Variants in FSTL5 observed in about 807,000 individuals in gnomAD.
The protein encoded by FSTL5 is follistatin like 5.
In FSTL5, 62 loss-of-function variants were observed where a neutral mutation model predicts 89.1. That is an observed-to-expected ratio of 0.70 (90% CI 0.57 to 0.86). FSTL5 has a LOEUF of 0.86. Among genes scored for constraint, FSTL5 ranks in the 40% least tolerant of loss-of-function variants. The pLI, the probability that FSTL5 is intolerant of heterozygous loss-of-function variation, is 0.00. For synonymous variants in FSTL5, 383 were observed against 346.2 expected, an observed-to-expected ratio of 1.11 and a Z score of -1.18; for missense variants, 1,057 against 1,001.6, an observed-to-expected ratio of 1.06 and a Z score of -0.75.
chr4:161,496,556 A>G (rs1730077379), intron 12 of FSTL5, among the ~76,000 whole-genome samples: 1 of 152,164 alleles, frequency 6.6e-6, no homozygotes, highest in African/African-American at 2.4e-5. Flanking sequence ...TTGAGTTTCC[A>G]GCCTGCTCTA....
At chr4:161,940,630 A>G (rs897635238) in intron 3 of FSTL5, among the ~76,000 whole-genome samples, 3 of 151,914 alleles carry the variant, frequency 2.0e-5, no homozygotes, top group Admixed American at 6.6e-5. Flanking sequence ...ATGCTGATAT[A>G]AAAATCATGT....
intron 4 of FSTL5, among the ~76,000 whole-genome samples, chr4:161,873,749 G>A (rs1199117050): frequency 2.0e-5 from 3 of 149,998 alleles, no homozygotes; most frequent in Admixed American, 6.7e-5. Context: ...ACTTTCTCAC[G>A]CAAAAATATA....
intron 3 of FSTL5, among the ~76,000 whole-genome samples, chr4:162,010,549 A>G (rs147352675): frequency 2.6e-3 from 398 of 152,326 alleles, no homozygotes; most frequent in Non-Finnish European, 4.5e-3. Flanking sequence ...GAACATTTTC[A>G]TAATCTCAAA....
At chr4:162,032,959 A>G (rs1390910286) in intron 3 of FSTL5, among the ~76,000 whole-genome samples, 1 of 152,154 alleles carries the variant, frequency 6.6e-6, no homozygotes, top group African/African-American at 2.4e-5. Context: ...AAGAAGAGCC[A>G]ACAAGTGAAT....
intron 15 of FSTL5, among the ~76,000 whole-genome samples, chr4:161,418,175 A>G (rs918231464): frequency 1.3e-5 from 2 of 152,012 alleles, no homozygotes; most frequent in African/African-American, 2.4e-5. Context: ...GTGTGGGTGA[A>G]TGTGTGTGAG....
At position 161,389,237 on chromosome 4, in the gene FSTL5, C is replaced by T. The variant is rs28549765; in HGVS notation, c.1842-2788G>A. On this transcript the variant is annotated intron_variant, in intron 15 of 15. Transcript: ENST00000306100. ...AAATCCTGCACAGTATTAGGCCTAA[C>T]ATAGTTTGTCTAGTATTTGTCAGAA... 5.3e-3 allele frequency among the ~76,000 whole-genome samples: 800 copies of T among 152,176 alleles called. 5 individuals are homozygous for T. The highest frequency in any genetic ancestry group is 0.018 in the African/African-American group (728 of 41,538).
intron 8 of FSTL5, among the ~76,000 whole-genome samples, chr4:161,564,193 T>C (rs996326418): frequency 8.6e-5 from 13 of 151,398 alleles, no homozygotes; most frequent in South Asian, 6.2e-4. Flanking sequence ...ATCAGAACCA[T>C]CAAATTATAA....
chr4:161,428,275 T>C (rs1035997377), intron 15 of FSTL5, among the ~76,000 whole-genome samples: 1 of 152,124 alleles, frequency 6.6e-6, no homozygotes, highest in African/African-American at 2.4e-5. Flanking sequence ...CCTAAATAAA[T>C]TGAAAGGCAG....
At chr4:161,677,109 T>G (rs2126704540) in intron 6 of FSTL5, among the ~76,000 whole-genome samples, 1 of 152,126 alleles carries the variant, frequency 6.6e-6, no homozygotes, top group Admixed American at 6.6e-5. Flanking sequence ...TGACCCCAAT[T>G]TAGGGAATTT....
chr4:161,406,971 T>C (rs1048251733), intron 15 of FSTL5, among the ~76,000 whole-genome samples: 4 of 152,212 alleles, frequency 2.6e-5, no homozygotes, highest in African/African-American at 7.2e-5. Flanking sequence ...GTTTTTTATA[T>C]GTCTAATGTC....
intron 2 of FSTL5, among the ~76,000 whole-genome samples, chr4:162,045,608 G>C (rs1738140409): frequency 2.0e-5 from 3 of 152,050 alleles, no homozygotes; most frequent in South Asian, 2.1e-4. Context: ...TTATCAAAAT[G>C]TGACACAGTG....
intron 11 of FSTL5, among the ~76,000 whole-genome samples, chr4:161,509,866 T>C (rs1730596835): frequency 6.6e-6 from 1 of 152,174 alleles, no homozygotes; most frequent in African/African-American, 2.4e-5. Flanking sequence ...TATTGAGTGC[T>C]GTTAATAACT....
At chr4:162,149,965 A>G (rs1218054782) in intron 1 of FSTL5, among the ~76,000 whole-genome samples, 1 of 152,134 alleles carries the variant, frequency 6.6e-6, no homozygotes, top group Non-Finnish European at 1.5e-5. Flanking sequence ...CATTAATAAA[A>G]TTTGTTTTAT....
intron 3 of FSTL5, among the ~76,000 whole-genome samples, chr4:162,013,354 C>T (rs902237892): frequency 1.3e-5 from 2 of 152,058 alleles, no homozygotes; most frequent in African/African-American, 4.8e-5. Flanking sequence ...CCTGATGTTT[C>T]CTTCTATATG....
intron 3 of FSTL5, among the ~76,000 whole-genome samples, chr4:161,922,237 C>A (rs1383746983): frequency 6.6e-6 from 1 of 151,696 alleles, no homozygotes; most frequent in Non-Finnish European, 1.5e-5. Flanking sequence ...AAATTTAAAA[C>A]AAATAGGTGG....
At chr4:161,553,447 G>A (rs1732281293) in intron 8 of FSTL5, among the ~76,000 whole-genome samples, 1 of 151,078 alleles carries the variant, frequency 6.6e-6, no homozygotes, top group Non-Finnish European at 1.5e-5. Context: ...TTATTTTTGA[G>A]TTTTAAGATA....
chr4:161,773,693 A>G (rs927592106), intron 5 of FSTL5, among the ~76,000 whole-genome samples: 1 of 152,120 alleles, frequency 6.6e-6, no homozygotes, highest in Non-Finnish European at 1.5e-5. Flanking sequence ...TTTAAAAAAA[A>G]TGTTGATGTG....
chr4:162,131,197 A>C (rs1317534399), intron 1 of FSTL5, among the ~76,000 whole-genome samples: 3 of 152,148 alleles, frequency 2.0e-5, no homozygotes, highest in Non-Finnish European at 4.4e-5. Flanking sequence ...GTCACCCTTA[A>C]ATTGAATAGA....
chr4:161,399,177 G>C (rs1269864574), intron 15 of FSTL5, among the ~76,000 whole-genome samples: 2 of 152,002 alleles, frequency 1.3e-5, no homozygotes, highest in African/African-American at 4.8e-5. Flanking sequence ...GTTTTGTTAT[G>C]TTTTACAGCT....
Sources: allele counts gnomAD v4.1 joint callset (sites outside exome capture counted in the v4.1 genomes callset), GRCh38; gene constraint gnomAD v4.1.1; transcripts MANE v1.5; gene names NCBI Gene and HGNC (gene_info 2026-07-23, HGNC 2026-07-21).